Variants in NXPH1 observed in about 807,000 individuals in gnomAD.
NXPH1 encodes neurexophilin-1.
In NXPH1, 5 loss-of-function variants were observed where a neutral mutation model predicts 23.7. The observed-to-expected ratio is 0.21, with a 90% confidence interval of 0.11 to 0.44. The LOEUF (loss-of-function observed/expected upper bound fraction) is 0.44, where lower values mean the gene tolerates loss of function less well. Ranked by LOEUF, NXPH1 falls within the 20% of genes least tolerant of loss-of-function variation. The pLI is 0.99. For missense variants in NXPH1, 324 were observed against 321.6 expected, an observed-to-expected ratio of 1.01 and a Z score of -0.06; for synonymous variants, 144 against 122.2, an observed-to-expected ratio of 1.18 and a Z score of -1.18.
At chr7:8,627,863 C>T (rs950290389) in intron 2 of NXPH1, among the ~76,000 whole-genome samples, 1 of 151,968 alleles carries the variant, frequency 6.6e-6, no homozygotes, top group African/African-American at 2.4e-5. Flanking sequence ...TAAAAAAAGC[C>T]TCTTTGGTTC....
chr7:8,725,360 G>C (rs1294604429), intron 2 of NXPH1, among the ~76,000 whole-genome samples: 1 of 151,990 alleles, frequency 6.6e-6, no homozygotes, highest in Non-Finnish European at 1.5e-5. Flanking sequence ...CATGGTGGTG[G>C]GCGCCTGTAG....
In NXPH1 at chr7:8,614,196, T is replaced by G. The variant is rs150701528; in HGVS notation, c.55-136812T>G. On this transcript the variant is annotated intron_variant, in intron 2 of 2. Transcript: ENST00000405863. Reference sequence around the variant, plus strand: ...TCCCTTTGTTAGATAGATTATATCTTTGTTGTTGTTTTTACAACTATAAAA... The same window carrying G: ...TCCCTTTGTTAGATAGATTATATCTGTGTTGTTGTTTTTACAACTATAAAA... Among the ~76,000 whole-genome samples, 614 of 152,062 alleles carry G rather than the reference T, an allele frequency of 4.0e-3. 4 individuals carry two copies. Among genetic ancestry groups the G allele is most frequent in the African/African-American group, 0.014 (583 of 41,546 alleles).
intron 2 of NXPH1, among the ~76,000 whole-genome samples, chr7:8,565,549 T>C (rs1200848598): frequency 6.6e-6 from 1 of 151,830 alleles, no homozygotes; most frequent in African/African-American, 2.4e-5. Flanking sequence ...CCTTGTTGTG[T>C]TCTAAACTAG....
chr7:8,710,640 G>GGTTTTTTTTTTTTTTTTTTTTT lies in NXPH1; in HGVS notation c.55-40368_55-40367insGTTTTTTTTTTTTTTTTTTTTT. Among the ~76,000 whole-genome samples, 15 of 27,672 alleles carry GGTTTTTTTTTTTTTTTTTTTTT rather than the reference G, an allele frequency of 5.4e-4. 7 individuals carry two copies. The highest frequency in any genetic ancestry group is 9.5e-4 in the Admixed American group (2 of 2,116). The allele number at this position is 27,672 out of a possible 152,430, so 18.2% of individuals were successfully genotyped here. On this transcript the variant is annotated intron_variant, in intron 2 of 2. Transcript: ENST00000405863. ...TTGAACAAAGCATGTCAACTGTTAC[G>GGTTTTTTTTTTTTTTTTTTTTT]TTTTTTGTTTTTTTTTTTTTTTTTT...
At chr7:8,617,333 T>C (rs1042954384) in intron 2 of NXPH1, among the ~76,000 whole-genome samples, 1 of 152,106 alleles carries the variant, frequency 6.6e-6, no homozygotes, top group South Asian at 2.1e-4. Flanking sequence ...GAAATCAGTA[T>C]ATCAAAGAGA....
chr7:8,657,295 A>G (rs997504467), intron 2 of NXPH1, among the ~76,000 whole-genome samples: 2 of 152,254 alleles, frequency 1.3e-5, no homozygotes, highest in African/African-American at 4.8e-5. Context: ...TGAGCTCAGA[A>G]TTGAGAGGAA....
At chr7:8,572,789 G>T (rs1818674948) in intron 2 of NXPH1, among the ~76,000 whole-genome samples, 1 of 151,636 alleles carries the variant, frequency 6.6e-6, no homozygotes, top group African/African-American at 2.4e-5. Flanking sequence ...ATATCAAACA[G>T]AATATGCAAT....
intron 2 of NXPH1, among the ~76,000 whole-genome samples, chr7:8,588,585 C>T (rs1436099408): frequency 1.3e-5 from 2 of 152,094 alleles, no homozygotes; most frequent in Non-Finnish European, 2.9e-5. Context: ...CCACAGCCCT[C>T]CAGAGAGGTA....
At chr7:8,668,220 G>A (rs796291528) in intron 2 of NXPH1, among the ~76,000 whole-genome samples, 2 of 147,690 alleles carry the variant, frequency 1.4e-5, no homozygotes, top group African/African-American at 4.9e-5. Flanking sequence ...GCAACTGAGA[G>A]ATTATTGTAT....
intron 2 of NXPH1, among the ~76,000 whole-genome samples, chr7:8,650,655 C>T (rs1820476145): frequency 6.6e-6 from 1 of 152,140 alleles, no homozygotes; most frequent in African/African-American, 2.4e-5. Context: ...ATCATGTGGC[C>T]TCTTGCTCAG....
At chr7:8,488,987 G>GT (rs1283528553) in intron 2 of NXPH1, among the ~76,000 whole-genome samples, 1 of 152,124 alleles carries the variant, frequency 6.6e-6, no homozygotes, top group African/African-American at 2.4e-5. Context: ...ACTAATTGTG[G>GT]TTGAAGAGTC....
chr7:8,575,687 C>T lies in NXPH1; in HGVS notation c.54+139920C>T, dbSNP rs935693122. Among the ~76,000 whole-genome samples the T allele has an allele frequency of 4.0e-5, 6 of 151,812 alleles. 1 individual carries two copies. Among genetic ancestry groups the T allele is most frequent in the African/African-American group, 1.4e-4 (6 of 41,386 alleles). ...CTTAATATAATTTTCTATAATGTTT[C>T]CTGTTTTTCTGTGAAGCACTGTTTT... On this transcript the variant is annotated intron_variant, in intron 2 of 2. Transcript: ENST00000405863.
intron 2 of NXPH1, among the ~76,000 whole-genome samples, chr7:8,530,737 G>A (rs185395513): frequency 3.9e-5 from 6 of 152,344 alleles, no homozygotes; most frequent in Admixed American, 3.3e-4. Flanking sequence ...TGTCAGCCCT[G>A]CTGAGGAGCT....
At chr7:8,477,494 G>C (rs1816996152) in intron 2 of NXPH1, among the ~76,000 whole-genome samples, 1 of 152,080 alleles carries the variant, frequency 6.6e-6, no homozygotes, top group Non-Finnish European at 1.5e-5. Context: ...TTCTTTCCTA[G>C]ACTTTTGCCT....
intron 2 of NXPH1, among the ~76,000 whole-genome samples, chr7:8,612,161 T>G (rs952785111): frequency 3.3e-5 from 5 of 151,852 alleles, no homozygotes; most frequent in Non-Finnish European, 7.4e-5. Context: ...TCCTTTCTCT[T>G]TCTGTCATTT....
At chr7:8,716,455 T>A (rs981154980) in intron 2 of NXPH1, among the ~76,000 whole-genome samples, 1 of 152,166 alleles carries the variant, frequency 6.6e-6, no homozygotes. Flanking sequence ...GTGACAAAAT[T>A]TTTTGTTTAG....
intron 2 of NXPH1, among the ~76,000 whole-genome samples, chr7:8,615,955 C>T (rs1282151862): frequency 1.3e-5 from 2 of 152,030 alleles, no homozygotes; most frequent in Non-Finnish European, 2.9e-5. Context: ...CATAGTCTCC[C>T]TATTTTTGCC....
At chr7:8,598,465 A>G (rs10280928) in intron 2 of NXPH1, among the ~76,000 whole-genome samples, 42,340 of 152,044 alleles carry the variant, frequency 0.28, 6,482 homozygotes, top group African/African-American at 0.38. Context: ...GGAAGCTGCT[A>G]TCTTTGTCAC....
intron 2 of NXPH1, among the ~76,000 whole-genome samples, chr7:8,723,056 A>G (rs796217111): frequency 1.4e-4 from 21 of 152,324 alleles, no homozygotes; most frequent in African/African-American, 5.1e-4. Context: ...TTGTGCTGTT[A>G]ATGAACACTT....
Sources: gnomAD v4.1 joint callset for allele counts (sites outside exome capture counted in the v4.1 genomes callset) on GRCh38, gnomAD v4.1.1 for gene constraint, MANE v1.5 for transcripts, NCBI Gene and HGNC (gene_info 2026-07-23, HGNC 2026-07-21) for gene names.